Variants in PCDHGB1 observed in about 807,000 individuals in gnomAD.
PCDHGB1 encodes the protein protocadherin gamma-B1.
A neutral mutation model predicts 56.6 loss-of-function variants in PCDHGB1; 34 were observed. That is an observed-to-expected ratio of 0.60 (90% confidence interval 0.46 to 0.80). The LOEUF is 0.80. Ranked by LOEUF, PCDHGB1 falls within the 30% of genes least tolerant of loss-of-function variation. The pLI is 0.00. For missense variants in PCDHGB1, 1,278 were observed against 1,204.6 expected (o/e 1.06, Z -0.90); for synonymous variants, 561 against 505.9 (o/e 1.11, Z -1.46).
Position 141,490,122 on chromosome 5 carries a change from C to T in PCDHGB1, c.2410-4685C>T. 3 of 1,614,260 alleles carry T rather than the reference C, an allele frequency of 1.9e-6. No homozygotes were observed. The highest frequency in any genetic ancestry group is 2.5e-6 in the Non-Finnish European group (3 of 1,180,046). On this transcript the variant is annotated intron_variant, in intron 1 of 3. Coordinates refer to ENST00000523390, the MANE Select transcript of PCDHGB1 (RefSeq NM_018922.3). The surrounding 1 kb of genome is among the most constrained non-coding windows in gnomAD (Gnocchi z 5.4). ...CTGAGGCAGTGCGGAACCTCTTTGG[C>T]CTAGACCCTAGCAGTGGGGCAATCC... is the stretch of plus-strand genomic sequence containing the variant.
chr5:141,469,206 AG>A (rs1457933263), intron 1 of PCDHGB1, among the ~76,000 whole-genome samples: 1 of 150,920 alleles, frequency 6.6e-6, no homozygotes, highest in African/African-American at 2.4e-5. Context: ...AGCCTTTTGA[AG>A]TTGAGGCTTC....
intron 1 of PCDHGB1, chr5:141,388,598 T>C: frequency 1.2e-6 from 2 of 1,613,920 alleles, no homozygotes; most frequent in Non-Finnish European, 1.7e-6. Context: ...CCAATGATAA[T>C]GCTCCAGTGT....
chr5:141,490,585 G>C lies in PCDHGB1; in HGVS notation c.2410-4222G>C. On this transcript the variant is annotated intron_variant, in intron 1 of 3. Transcript: ENST00000523390. The surrounding 1 kb of genome is among the most constrained non-coding windows in gnomAD (Gnocchi z 5.4). Reference sequence around the variant, plus strand: ...CAGGCTCAACATTTCAGATGTCAATGACAATGCACCCCGCTTCAACCAGCA... The same window carrying C: ...CAGGCTCAACATTTCAGATGTCAATCACAATGCACCCCGCTTCAACCAGCA... The C allele has an allele frequency of 6.2e-7, 1 of 1,614,142 alleles. No homozygotes were observed. Among genetic ancestry groups the C allele is most frequent in the South Asian group, 1.1e-5 (1 of 91,078 alleles).
At chr5:141,392,682 C>T in intron 1 of PCDHGB1, 2 of 1,035,550 alleles carry the variant, frequency 1.9e-6, no homozygotes, top group Non-Finnish European at 2.7e-6. Flanking sequence ...TGGACTGCAG[C>T]GAAACCCGAC....
intron 1 of PCDHGB1, chr5:141,424,513 T>C (rs1339689551): frequency 6.6e-6 from 1 of 152,224 alleles, no homozygotes; most frequent in Non-Finnish European, 1.5e-5. Context: ...GGTTTTTTAA[T>C]GTAGTAAATC....
rs1298454674 is a variant in PCDHGB1, at chr5:141,438,625, TATATATATATAC to T, written c.2410-56180_2410-56169del. 7.7e-3 allele frequency among the ~76,000 whole-genome samples: 357 copies of T among 46,390 alleles called. 5 individuals are homozygous for T. The East Asian group carries it at 0.082, about 11-fold the overall frequency. 30.4% of individuals were successfully genotyped at this position (46,390 alleles called of 152,430 possible). A position where few individuals can be genotyped will look rare whatever the true frequency, so the allele number is the denominator to read the frequency against. On this transcript the variant is annotated intron_variant, in intron 1 of 3. Transcript: ENST00000523390. ...ATATATATATATATATATATATATATATATATATATACACACACACACACACATATATGTATA... is the reference window on the plus strand; with the variant it reads ...ATATATATATATATATATATATATATACACACACACACACATATATGTATA...
At chr5:141,408,959 G>A (rs1434961395) in intron 1 of PCDHGB1, 1 of 1,613,722 alleles carries the variant, frequency 6.2e-7, no homozygotes, top group East Asian at 2.2e-5. Context: ...TAGTCTTAGT[G>A]AAAATCTGCC....
intron 1 of PCDHGB1, among the ~76,000 whole-genome samples, chr5:141,456,483 CTTAATA>C (rs2098861684): frequency 1.3e-5 from 2 of 152,072 alleles, no homozygotes; most frequent in African/African-American, 4.8e-5. Context: ...CAAGAGAGTG[CTTAATA>C]AAGGGGTTAA....
chr5:141,394,380 G>A (rs867131974), intron 1 of PCDHGB1: 2 of 1,614,196 alleles, frequency 1.2e-6, no homozygotes, highest in Non-Finnish European at 1.7e-6. Context: ...TTTCGACTAT[G>A]AGCAGATCCG....
chr5:141,494,661 G>A, intron 1 of PCDHGB1, 146 bp from the exon 2 acceptor site: 2 of 1,492,976 alleles, frequency 1.3e-6, no homozygotes, highest in Non-Finnish European at 1.8e-6. Context: ...TTTGTCTTTG[G>A]AGATGAGTCC....
intron 1 of PCDHGB1, chr5:141,420,079 C>T (rs1362049053): frequency 6.2e-7 from 1 of 1,613,998 alleles, no homozygotes; most frequent in Non-Finnish European, 8.5e-7. Flanking sequence ...CTGTGGGTCC[C>T]CCCAACTACA....
intron 1 of PCDHGB1, among the ~76,000 whole-genome samples, chr5:141,452,353 AG>A (rs556616398): frequency 5.9e-5 from 9 of 152,206 alleles, no homozygotes; most frequent in Non-Finnish European, 1.3e-4. Context: ...TTTATCCAAA[AG>A]CCTTGCTTCA....
chr5:141,396,592 C>G (rs886214200), intron 1 of PCDHGB1: 3 of 151,870 alleles, frequency 2.0e-5, no homozygotes, highest in Admixed American at 2.0e-4. Context: ...TGCACTCCAG[C>G]CTGGGCAACA....
intron 1 of PCDHGB1, among the ~76,000 whole-genome samples, chr5:141,470,142 A>G (rs1308458765): frequency 6.6e-6 from 1 of 152,044 alleles, no homozygotes; most frequent in Non-Finnish European, 1.5e-5. Context: ...AAAAAAGATC[A>G]TAGATCATCT....
chr5:141,493,694 G>A lies in PCDHGB1; in HGVS notation c.2410-1113G>A, dbSNP rs929897875. On this transcript the variant is annotated intron_variant, in intron 1 of 3. Transcript: ENST00000523390. This position sits in a 1 kb window ranked among gnomAD's most constrained non-coding sequence, Gnocchi z 4.3. ...CCCCAGAATGGTGCTGGTGACTCCC[G>A]ATACACCTGGAATGCTAGGTTTCTG... Among the ~76,000 whole-genome samples the A allele has an allele frequency of 5.9e-5, 9 of 152,130 alleles. No individual in the cohort carries two copies. Among genetic ancestry groups the A allele is most frequent in the African/African-American group, 9.7e-5 (4 of 41,404 alleles).
intron 1 of PCDHGB1, chr5:141,427,892 C>A (rs752723370): frequency 9.9e-5 from 155 of 1,567,044 alleles, no homozygotes; most frequent in Non-Finnish European, 1.3e-4. Context: ...ACGACCAGGG[C>A]TCGCCCGCGC....
intron 1 of PCDHGB1, chr5:141,361,457 A>G: frequency 6.2e-7 from 1 of 1,614,036 alleles, no homozygotes; most frequent in Non-Finnish European, 8.5e-7. Context: ...GTCACCCTGC[A>G]CATCTCCGAC....
chr5:141,508,867 G>A (rs2099872497), intron 3 of PCDHGB1, among the ~76,000 whole-genome samples: 1 of 152,108 alleles, frequency 6.6e-6, no homozygotes. Flanking sequence ...GGGAAAGGCT[G>A]AAGAGGCTGA....
At chr5:141,399,375 C>A (rs548275013) in intron 1 of PCDHGB1, 2 of 1,614,016 alleles carry the variant, frequency 1.2e-6, no homozygotes, top group Non-Finnish European at 1.7e-6. Context: ...AGTACAATGT[C>A]ACCATCACAG....
Sources: gnomAD v4.1 joint callset for allele counts (sites outside exome capture counted in the v4.1 genomes callset) on GRCh38, gnomAD v4.1.1 for gene constraint, Gnocchi (gnomAD v3.1) non-coding constraint, MANE v1.5 for transcripts, NCBI Gene and HGNC (gene_info 2026-07-23, HGNC 2026-07-21) for gene names.